The following SH3BGRL variants were observed in gnomAD, a reference collection of about 807,000 sequenced individuals.
SH3BGRL encodes SH3 domain binding glutamate rich protein like.
SH3BGRL carries 7 observed loss-of-function variants against 9.8 expected under a neutral mutation model. The observed-to-expected ratio is 0.72, with a 90% confidence interval of 0.41 to 1.35. The LOEUF (loss-of-function observed/expected upper bound fraction) is 1.35. SH3BGRL is among the 40% of genes most tolerant of loss of function. The pLI, the probability that SH3BGRL is intolerant of heterozygous loss-of-function variation, is 0.01. For missense variants in SH3BGRL, 73 were observed against 84.4 expected (o/e 0.86, Z 0.53); for synonymous variants, 36 against 29.1 (o/e 1.24, Z -0.76).
At chrX:81,218,791 GTATATA>G (rs1317967404) in intron 1 of SH3BGRL, among the ~76,000 whole-genome samples, 1 of 78,340 alleles carries the variant, frequency 1.3e-5, no homozygotes, top group Non-Finnish European at 2.5e-5. Flanking sequence ...ATATCTGTAT[GTATATA>G]TAGATATAGA....
At chrX:81,218,315 G>A (rs777420115) in intron 1 of SH3BGRL, among the ~76,000 whole-genome samples, 2 of 109,839 alleles carry the variant, frequency 1.8e-5, no homozygotes, top group Admixed American at 9.8e-5. Flanking sequence ...TTTTAAAATT[G>A]TGTTATTGTT....
At chrX:81,234,021 C>G (rs2075640331) in intron 1 of SH3BGRL, among the ~76,000 whole-genome samples, 2 of 111,363 alleles carry the variant, frequency 1.8e-5, no homozygotes, top group Non-Finnish European at 3.8e-5. Context: ...TTTTCTAGGT[C>G]ATCATTCAAC....
chrX:81,241,841 G>A (rs1348900744), intron 1 of SH3BGRL, among the ~76,000 whole-genome samples: 1 of 112,568 alleles, frequency 8.9e-6, no homozygotes, highest in African/African-American at 3.2e-5. Flanking sequence ...GGCACGTGCA[G>A]TACATCTGGT....
intron 2 of SH3BGRL, 56 bp from the exon 3 acceptor site, chrX:81,278,274 CT>C (rs1255575079): frequency 2.2e-6 from 2 of 908,361 alleles, no homozygotes; most frequent in East Asian, 3.2e-5. Flanking sequence ...AATAAATTTC[CT>C]TTTTTTCTTT....
At chrX:81,245,202 T>G (rs1406115525) in intron 1 of SH3BGRL, among the ~76,000 whole-genome samples, 1 of 111,639 alleles carries the variant, frequency 9.0e-6, no homozygotes, top group Non-Finnish European at 1.9e-5. Flanking sequence ...AAATAAGGCT[T>G]TCTGCTCTGA....
chrX:81,258,659 G>T (rs764821396), intron 1 of SH3BGRL, among the ~76,000 whole-genome samples: 10 of 112,109 alleles, frequency 8.9e-5, no homozygotes, highest in Non-Finnish European at 1.9e-4. Context: ...ATTTCTAAGG[G>T]TCTTAGTCTA....
chrX:81,289,078 A>C (rs985650657), intron 3 of SH3BGRL, among the ~76,000 whole-genome samples: 7 of 112,006 alleles, frequency 6.2e-5, no homozygotes, highest in African/African-American at 2.3e-4. Context: ...AAAAACAAAC[A>C]CATACACCAA....
intron 3 of SH3BGRL, among the ~76,000 whole-genome samples, chrX:81,278,703 G>A (rs1420648069): frequency 1.8e-5 from 2 of 111,839 alleles, no homozygotes; most frequent in African/African-American, 6.5e-5. Flanking sequence ...CAATTTTAAA[G>A]CCTTCATTAT....
chrX:81,264,922 A>G (rs1338838211), intron 1 of SH3BGRL, among the ~76,000 whole-genome samples: 1 of 111,213 alleles, frequency 9.0e-6, no homozygotes, highest in Non-Finnish European at 1.9e-5. Context: ...GTAATTCCAG[A>G]TAAAAAAGAA....
At chrX:81,271,351 A>G (rs5959092) in intron 1 of SH3BGRL, among the ~76,000 whole-genome samples, 1,492 of 111,988 alleles carry the variant, frequency 0.013, 30 homozygotes, top group African/African-American at 0.046. Context: ...CGAGTTGTAG[A>G]CCAGAGCTGT....
Position 81,208,226 on chromosome X carries a change from C to T in SH3BGRL, c.45+5981C>T, listed in dbSNP as rs2075553399. Among the ~76,000 whole-genome samples, 3 of 110,779 alleles carry T rather than the reference C, an allele frequency of 2.7e-5. No homozygotes were observed. The Admixed American group carries it at 2.9e-4, about 11-fold the overall frequency. ...GCAGTGAGCCGAGATCGTGCCACTG[C>T]ACTCCAATCTGGGTGACAGAGCGAG... On this transcript the variant is annotated intron_variant, in intron 1 of 3. Transcript: ENST00000373212.
intron 1 of SH3BGRL, among the ~76,000 whole-genome samples, chrX:81,242,765 A>G (rs1377617691): frequency 8.9e-6 from 1 of 111,958 alleles, no homozygotes; most frequent in African/African-American, 3.2e-5. Context: ...GGGCATACAG[A>G]GGACAATCAG....
chrX:81,220,737 T>G (rs899392936), intron 1 of SH3BGRL, among the ~76,000 whole-genome samples: 1 of 111,036 alleles, frequency 9.0e-6, no homozygotes, highest in East Asian at 2.8e-4. Context: ...CTAAAAACCT[T>G]TTAAGTCACC....
intron 1 of SH3BGRL, among the ~76,000 whole-genome samples, chrX:81,225,007 T>C (rs768034489): frequency 9.0e-6 from 1 of 110,942 alleles, no homozygotes; most frequent in African/African-American, 3.3e-5. Flanking sequence ...AGATAATTGC[T>C]TGATGAATGA....
intron 1 of SH3BGRL, among the ~76,000 whole-genome samples, chrX:81,232,104 A>T (rs1383145010): frequency 9.0e-6 from 1 of 111,027 alleles, no homozygotes; most frequent in African/African-American, 3.3e-5. Flanking sequence ...AAATGAGATA[A>T]TATGCTTAGC....
chrX:81,287,707 C>T (rs1046441940), intron 3 of SH3BGRL, among the ~76,000 whole-genome samples: 2 of 110,012 alleles, frequency 1.8e-5, no homozygotes, highest in African/African-American at 3.3e-5. Flanking sequence ...ATATAGGTGA[C>T]GGGTTGACGG....
intron 1 of SH3BGRL, among the ~76,000 whole-genome samples, chrX:81,221,040 T>G (rs1232931395): frequency 1.8e-5 from 2 of 111,769 alleles, no homozygotes; most frequent in Non-Finnish European, 3.8e-5. Flanking sequence ...TAACATATGG[T>G]CTATTCTTGA....
intron 1 of SH3BGRL, among the ~76,000 whole-genome samples, chrX:81,215,909 A>C (rs1357138019): frequency 1.8e-5 from 2 of 111,703 alleles, no homozygotes; most frequent in Non-Finnish European, 3.8e-5. Context: ...TTAAAGCCAA[A>C]TGTTGCAGTC....
intron 1 of SH3BGRL, among the ~76,000 whole-genome samples, chrX:81,264,905 A>G (rs1356374055): frequency 9.0e-6 from 1 of 111,162 alleles, no homozygotes; most frequent in African/African-American, 3.3e-5. Context: ...AAAAGTATAG[A>G]CAGATAGTAA....
Sources: allele counts gnomAD v4.1 joint callset (sites outside exome capture counted in the v4.1 genomes callset), GRCh38; gene constraint gnomAD v4.1.1; transcripts MANE v1.5; gene names NCBI Gene and HGNC (gene_info 2026-07-23, HGNC 2026-07-21).